CUX1: variants seen among roughly 807,000 people sequenced by gnomAD.
CUX1 encodes the protein cut like homeobox 1, also known as protein CASP.
CUX1 carries 31 observed loss-of-function variants against 158.8 expected under a neutral mutation model. The ratio of observed to expected loss-of-function variants is 0.20; its 90% confidence interval spans 0.15 to 0.26. The LOEUF is 0.26. CUX1 is among the 10% of genes least tolerant of loss of function. CUX1 has a pLI of 1.00. For synonymous variants in CUX1, 879 were observed against 862.1 expected, an observed-to-expected ratio of 1.02 and a Z score of -0.34; for missense variants, 1,589 against 2,014.6, an observed-to-expected ratio of 0.79 and a Z score of 4.04.
rs377645698 is a variant in CUX1 at position 102,283,049 on chromosome 7, G to A, written c.1996G>A (p.Glu666Lys). 15 of 1,612,710 alleles carry A rather than the reference G, an allele frequency of 9.3e-6. No homozygotes were observed. Among genetic ancestry groups the A allele is most frequent in the African/African-American group, 1.3e-5 (1 of 74,354 alleles). The change falls in exon 23 of 23, where the codon GAG (glutamate) becomes AAG (lysine). Residue 666 changes from glutamate (E) to lysine (K), a missense_variant. Physicochemically the swap from Glu to Lys is moderately conservative, Grantham distance 56 (BLOSUM62 1). Coordinates refer to the CUX1 transcript ENST00000292538. ...CGCTGACCACCTGCACAAGTTCCAC[G>A]AGAATGACAACGGGGCTGCGGCTGG... is the stretch of plus-strand genomic sequence containing the variant.
Position 102,256,445 on chromosome 7 carries a change from C to T in CUX1, c.*7403C>T. 1.0e-6 allele frequency: 1 copy of T among 985,306 alleles called. No individual in the cohort carries two copies. Among genetic ancestry groups the T allele is most frequent in the Non-Finnish European group, 1.2e-6 (1 of 829,934 alleles). 61.0% of individuals were successfully genotyped at this position (985,306 alleles called of 1,614,324 possible). A position where few individuals can be genotyped will look rare whatever the true frequency, so the allele number is the denominator to read the frequency against. On this transcript the variant is annotated 3_prime_UTR_variant, in exon 24 of 24. Transcript: ENST00000292535. ...TTGCTGTCACTCTAGTGGTTACTAT[C>T]CTCTGCCTTCCTCTCCTCCCCTACT...
chr7:101,895,891 G>GTTTTTTTTTTTTTTTTTTTTTTTTTTTTT (rs66481506), intron 1 of CUX1, among the ~76,000 whole-genome samples: 1 of 112,716 alleles, frequency 8.9e-6, no homozygotes. Flanking sequence ...CACCTGTAAA[G>GTTTTTTTTTTTTTTTTTTTTTTTTTTTTT]TTTTTTTTTT....
intron 2 of CUX1, among the ~76,000 whole-genome samples, chr7:101,921,465 T>TTTATTTATTTAC (rs1334166449): frequency 3.3e-5 from 5 of 151,958 alleles, no homozygotes; most frequent in Admixed American, 6.6e-5. Context: ...TATTTATTTA[T>TTTATTTATTTAC]TTACTTATTT....
At chr7:102,012,980 G>C (rs1248582055) in intron 2 of CUX1, among the ~76,000 whole-genome samples, 1 of 152,154 alleles carries the variant, frequency 6.6e-6, no homozygotes, top group Non-Finnish European at 1.5e-5. Flanking sequence ...CCTTGGGGGA[G>C]AAAACTTGTT....
intron 11 of CUX1, 110 bp downstream of exon 11, chr7:102,178,767 A>G: frequency 8.5e-7 from 1 of 1,179,414 alleles, no homozygotes; most frequent in Admixed American, 2.4e-5. Context: ...AAGTGTGGCA[A>G]CCTTGAACCT....
intron 2 of CUX1, among the ~76,000 whole-genome samples, chr7:101,954,615 C>A (rs190568404): frequency 1.4e-4 from 22 of 151,978 alleles, no homozygotes; most frequent in African/African-American, 4.8e-4. Flanking sequence ...TTGAGACCAG[C>A]CAGAGCAACA....
chr7:102,167,426 C>A (rs149956602), intron 9 of CUX1, among the ~76,000 whole-genome samples: 3,564 of 152,240 alleles, frequency 0.023, 77 homozygotes, highest in Non-Finnish European at 0.031. Flanking sequence ...TGTAGGCTCC[C>A]GGGGACACCT....
chr7:102,166,121 C>T (rs897580927), intron 9 of CUX1, among the ~76,000 whole-genome samples: 2 of 152,192 alleles, frequency 1.3e-5, no homozygotes, highest in East Asian at 3.9e-4. Flanking sequence ...GTCCTGGACA[C>T]CATCGCCAGG....
At chr7:101,893,043 G>A (rs1011693289) in intron 1 of CUX1, among the ~76,000 whole-genome samples, 2 of 151,752 alleles carry the variant, frequency 1.3e-5, no homozygotes, top group Admixed American at 6.6e-5. Flanking sequence ...TTGGGGGGCA[G>A]GCTGTACATT....
At chr7:101,984,496 C>CA (rs569101693) in intron 2 of CUX1, among the ~76,000 whole-genome samples, 25,918 of 111,222 alleles carry the variant, frequency 0.23, 2,923 homozygotes, top group Non-Finnish European at 0.28. Flanking sequence ...TGTTCTCCGG[C>CA]AAAAAAAAAA....
chr7:101,867,222 A>T (rs915167097), intron 1 of CUX1, among the ~76,000 whole-genome samples: 2 of 152,200 alleles, frequency 1.3e-5, no homozygotes, highest in African/African-American at 2.4e-5. Context: ...GTCTTGAAAA[A>T]ATAGAAGTAA....
At chr7:102,117,580 G>A (rs1831563553) in intron 8 of CUX1, among the ~76,000 whole-genome samples, 1 of 152,030 alleles carries the variant, frequency 6.6e-6, no homozygotes, top group Non-Finnish European at 1.5e-5. Context: ...AGGGAAGAGG[G>A]ACCCAGGGCA....
chr7:101,999,454 G>A (rs1372703418), intron 2 of CUX1, among the ~76,000 whole-genome samples: 1 of 152,142 alleles, frequency 6.6e-6, no homozygotes, highest in Non-Finnish European at 1.5e-5. Flanking sequence ...GCTTTGAAAG[G>A]CTGCTTTGCA....
Position 102,016,123 on chromosome 7 carries a change from T to A in CUX1, c.142-11975T>A, listed in dbSNP as rs188941332. ...CACCACACCCAGCTAATTTTTTTGA[T>A]TTTTAGTAGAGATGGGGTCTGGTTA... On this transcript the variant is annotated intron_variant, in intron 2 of 23. Transcript: ENST00000292535. Among the ~76,000 whole-genome samples the A allele has an allele frequency of 5.6e-3, 854 of 152,252 alleles. 6 individuals carry two copies. The highest frequency in any genetic ancestry group is 0.026 in the South Asian group (124 of 4,814).
upstream of CUX1, chr7:101,817,008 T>C (rs1791899307): frequency 1.0e-6 from 1 of 983,958 alleles, no homozygotes; most frequent in African/African-American, 1.8e-5. The surrounding 1 kb of genome is among the most constrained non-coding windows in gnomAD (Gnocchi z 4.1). Context: ...CCTGTGTCGG[T>C]GACGCGGACC....
intron 13 of CUX1, chr7:102,194,194 CAAAA>C: frequency 2.7e-6 from 1 of 371,196 alleles, no homozygotes; most frequent in Non-Finnish European, 4.9e-6. Context: ...TTATCTTTAA[CAAAA>C]AGAGGCAAAA....
At chr7:101,911,789 C>A (rs904533944) in intron 1 of CUX1, among the ~76,000 whole-genome samples, 6 of 152,226 alleles carry the variant, frequency 3.9e-5, no homozygotes, top group Non-Finnish European at 8.8e-5. Context: ...TGCCGTCCAG[C>A]GAGTGCTGGG....
At chr7:101,943,321 G>A (rs1351003469) in intron 2 of CUX1, among the ~76,000 whole-genome samples, 1 of 151,794 alleles carries the variant, frequency 6.6e-6, no homozygotes, top group African/African-American at 2.4e-5. Flanking sequence ...TGGCCAGGTT[G>A]GTCTTGAACT....
At chr7:102,073,165 C>CTTTTTTTCTTTTTTTT (rs1826329617) in intron 4 of CUX1, among the ~76,000 whole-genome samples, 1 of 66,890 alleles carries the variant, frequency 1.5e-5, no homozygotes, top group East Asian at 6.2e-4. Flanking sequence ...TCTTTTCTTT[C>CTTTTTTTCTTTTTTTT]TTTTTTTTTT....
Sources: allele counts gnomAD v4.1 joint callset (sites outside exome capture counted in the v4.1 genomes callset), GRCh38; gene constraint gnomAD v4.1.1; non-coding constraint Gnocchi (gnomAD v3.1); transcripts MANE v1.5; gene names NCBI Gene and HGNC (gene_info 2026-07-23, HGNC 2026-07-21).